CCNI: variants seen among roughly 807,000 people sequenced by gnomAD.
The protein encoded by CCNI is cyclin I, also known as cyclin-I.
In CCNI, 14 loss-of-function variants were observed where a neutral mutation model predicts 34.1. The observed-to-expected ratio is 0.41, with a 90% CI of 0.27 to 0.64. The LOEUF (loss-of-function observed/expected upper bound fraction) is 0.64, where lower values mean the gene tolerates loss of function less well. CCNI is among the 30% of genes least tolerant of loss of function. The pLI is 0.31. For synonymous variants in CCNI, 154 were observed against 158.4 expected, an observed-to-expected ratio of 0.97 and a Z score of 0.21; for missense variants, 385 against 440.5, an observed-to-expected ratio of 0.87 and a Z score of 1.13.
At chr4:77,066,610 G>A (rs558649939) in intron 1 of CCNI, among the ~76,000 whole-genome samples, 92 of 152,230 alleles carry the variant, frequency 6.0e-4, no homozygotes, top group Non-Finnish European at 1.0e-3. Context: ...GTTATAAAGA[G>A]AATAAAAACA....
At position 77,075,590 on chromosome 4, in the gene CCNI, G is replaced by A. The variant is rs1467159955; in HGVS notation, c.-162C>T. ...ATTCTCATAGGCGCGCGGAGGCGGT[G>A]CGCGCGGGACGACTCGGCCAACTGA... On this transcript the variant is annotated 5_prime_UTR_variant, in exon 1 of 7. Coordinates refer to ENST00000237654, the MANE Select transcript of CCNI (RefSeq NM_006835.3). 7.1e-6 allele frequency: 7 copies of A among 988,022 alleles called. No homozygotes were observed. In the Admixed American group the frequency reaches 3.7e-4, roughly 52 times the overall value. 61.2% of individuals were successfully genotyped at this position (988,022 alleles called of 1,614,324 possible).
chr4:77,070,108 C>T (rs188126342), intron 1 of CCNI, among the ~76,000 whole-genome samples: 342 of 151,240 alleles, frequency 2.3e-3, no homozygotes, highest in African/African-American at 7.7e-3. Flanking sequence ...ACCTCCACCT[C>T]CTGGGTTCAA....
intron 3 of CCNI, among the ~76,000 whole-genome samples, chr4:77,057,819 T>G (rs1189344151): frequency 1.3e-5 from 2 of 152,196 alleles, no homozygotes; most frequent in African/African-American, 4.8e-5. Context: ...GTATGGATAT[T>G]CAATAAGTAG....
chr4:77,072,252 A>C (rs1729520351), intron 1 of CCNI, among the ~76,000 whole-genome samples: 1 of 151,940 alleles, frequency 6.6e-6, no homozygotes, highest in Non-Finnish European at 1.5e-5. Context: ...AAAAAGAATC[A>C]CTCTTTGCTC....
chr4:77,067,911 C>T (rs1232189532), intron 1 of CCNI, among the ~76,000 whole-genome samples: 1 of 151,232 alleles, frequency 6.6e-6, no homozygotes, highest in Non-Finnish European at 1.5e-5. Flanking sequence ...GGCACGGTGG[C>T]TCACACCTGT....
In CCNI at chr4:77,069,082, A is replaced by C. The variant is rs569240641; in HGVS notation, c.-43-2677T>G. Among the ~76,000 whole-genome samples the C allele has an allele frequency of 1.2e-4, 19 of 152,328 alleles. No homozygotes were observed. The South Asian group carries it at 3.7e-3, about 30-fold the overall frequency. On this transcript the variant is annotated intron_variant, in intron 1 of 6. Coordinates refer to ENST00000237654, the MANE Select transcript of CCNI (RefSeq NM_006835.3). ...TCTTCTAAAAACTCTTGATTCTTTA[A>C]TCATGTCATAAAGCAGCTTTCTGTT... is the stretch of plus-strand genomic sequence containing the variant.
At chr4:77,069,091 T>C (rs1233654067) in intron 1 of CCNI, among the ~76,000 whole-genome samples, 2 of 152,210 alleles carry the variant, frequency 1.3e-5, no homozygotes, top group Non-Finnish European at 2.9e-5. Context: ...AATCATGTCA[T>C]AAAGCAGCTT....
At chr4:77,057,241 C>T (rs781310607) in intron 3 of CCNI, among the ~76,000 whole-genome samples, 2 of 152,134 alleles carry the variant, frequency 1.3e-5, no homozygotes, top group Non-Finnish European at 2.9e-5. Context: ...AGTGTCCTTT[C>T]TTGGACAGTA....
intron 1 of CCNI, among the ~76,000 whole-genome samples, chr4:77,073,972 A>G (rs1729689424): frequency 6.6e-6 from 1 of 151,454 alleles, no homozygotes; most frequent in East Asian, 2.0e-4. Flanking sequence ...TGTTCCCACA[A>G]TTTGATGAAA....
At position 77,048,393 on chromosome 4, in the gene CCNI, A is replaced by ACCC. The variant is rs748981662; in HGVS notation, c.959_960insGGG (p.Ser320_Thr321insGly). On this transcript the variant is annotated inframe_insertion, in exon 7 of 7. Coordinates refer to ENST00000237654, the MANE Select transcript of CCNI (RefSeq NM_006835.3). ...CCATTTCCTCTACTTTGCGTTTAGTAGAGGTCTGCTTGCACCCACTGGCAG... is the reference window on the plus strand; with the variant it reads ...CCATTTCCTCTACTTTGCGTTTAGTACCCGAGGTCTGCTTGCACCCACTGGCAG... 1.7e-5 allele frequency: 28 copies of ACCC among 1,614,118 alleles called. No individual in the cohort carries two copies. The East Asian group carries it at 6.0e-4, about 35-fold the overall frequency.
intron 6 of CCNI, among the ~76,000 whole-genome samples, chr4:77,053,708 A>G (rs1020668173): frequency 2.0e-5 from 3 of 152,190 alleles, no homozygotes; most frequent in Non-Finnish European, 4.4e-5. Context: ...GTTCCAATAA[A>G]AATAATGTAA....
Position 77,055,294 on chromosome 4 carries a change from G to A in CCNI, c.546C>T (p.Thr182=). 6.2e-7 allele frequency: 1 copy of A among 1,614,088 alleles called. No individual in the cohort carries two copies. Among genetic ancestry groups the A allele is most frequent in the Non-Finnish European group, 8.5e-7 (1 of 1,179,970 alleles). ...AGGCCATACAGTGAAGTAGTTGCTT[G>A]GTAAGGACTGCCAAATGTTGAGATG... ...LSPSQHLAVL[T]KQLLHCMACN... The change falls in exon 6 of 7, where the codon ACC becomes ACT. Residue 182 remains threonine (T), a synonymous_variant. Transcript: ENST00000237654.
intron 2 of CCNI, among the ~76,000 whole-genome samples, chr4:77,065,884 G>A (rs1476216926): frequency 6.6e-6 from 1 of 152,202 alleles, no homozygotes; most frequent in Non-Finnish European, 1.5e-5. Context: ...TGGACTGCTT[G>A]AGCTCAGGAC....
At chr4:77,052,387 A>G (rs971198362) in intron 6 of CCNI, among the ~76,000 whole-genome samples, 1 of 152,160 alleles carries the variant, frequency 6.6e-6, no homozygotes, top group Non-Finnish European at 1.5e-5. Context: ...CCACCACACT[A>G]ATCTAGGTAG....
chr4:77,065,664 G>A (rs2109832459), intron 2 of CCNI, among the ~76,000 whole-genome samples: 2 of 152,316 alleles, frequency 1.3e-5, no homozygotes, highest in Middle Eastern at 6.8e-3. Context: ...GGTTACTACT[G>A]TTAGTATAGA....
At chr4:77,072,774 C>T (rs1729584867) in intron 1 of CCNI, among the ~76,000 whole-genome samples, 1 of 151,504 alleles carries the variant, frequency 6.6e-6, no homozygotes, top group South Asian at 2.1e-4. Context: ...CGGTAGATTA[C>T]ACAAGTCAAT....
At chr4:77,051,450 T>C (rs935849194) in intron 6 of CCNI, among the ~76,000 whole-genome samples, 1 of 152,150 alleles carries the variant, frequency 6.6e-6, no homozygotes. Context: ...AAAAACGAAG[T>C]AAATAGAGTT....
At chr4:77,055,065 G>C (rs1158384288) in intron 6 of CCNI, 85 bp downstream of exon 6, 1 of 837,042 alleles carries the variant, frequency 1.2e-6, no homozygotes, top group Non-Finnish European at 1.9e-6. Context: ...TACAACATGA[G>C]AAATGTCTTT....
chr4:77,063,558 C>G (rs972637918), intron 2 of CCNI, among the ~76,000 whole-genome samples: 2 of 151,468 alleles, frequency 1.3e-5, no homozygotes, highest in African/African-American at 2.4e-5. Context: ...GGCGTTGTGG[C>G]GGGCGCCTGT....
Sources: allele counts gnomAD v4.1 joint callset (sites outside exome capture counted in the v4.1 genomes callset), GRCh38; gene constraint gnomAD v4.1.1; transcripts MANE v1.5; gene names NCBI Gene and HGNC (gene_info 2026-07-23, HGNC 2026-07-21).